PLCL2: variants seen among roughly 807,000 people sequenced by gnomAD.
PLCL2 encodes phospholipase C like 2.
PLCL2 carries 4 observed loss-of-function variants against 79.6 expected under a neutral mutation model. The observed-to-expected ratio is 0.05, with a 90% CI of 0.02 to 0.11. PLCL2 has a LOEUF of 0.11. Among genes scored for constraint, PLCL2 ranks in the 10% least tolerant of loss-of-function variants. PLCL2 has a pLI of 1.00. For missense variants in PLCL2, 895 were observed against 1,291.0 expected (o/e 0.69, Z 4.70); for synonymous variants, 484 against 457.7 (o/e 1.06, Z -0.73).
intron 3 of PLCL2, among the ~76,000 whole-genome samples, chr3:17,020,845 A>C (rs1343979412): frequency 6.6e-6 from 1 of 152,192 alleles, no homozygotes; most frequent in African/African-American, 2.4e-5. Context: ...GGCAGTTGAC[A>C]TGCAGCATCA....
At chr3:17,041,515 C>T (rs549149229) in intron 3 of PLCL2, among the ~76,000 whole-genome samples, 2 of 152,202 alleles carry the variant, frequency 1.3e-5, no homozygotes, top group South Asian at 2.1e-4. Context: ...TTTTAAGAGA[C>T]ATGTTGGTTA....
At chr3:17,059,716 A>C (rs538284886) in intron 4 of PLCL2, among the ~76,000 whole-genome samples, 1 of 152,204 alleles carries the variant, frequency 6.6e-6, no homozygotes, top group Admixed American at 6.5e-5. Flanking sequence ...CCTAAGAAGG[A>C]ATAACAGTGG....
intron 4 of PLCL2, among the ~76,000 whole-genome samples, chr3:17,046,776 G>A (rs2064784924): frequency 6.6e-6 from 1 of 152,148 alleles, no homozygotes; most frequent in South Asian, 2.1e-4. Flanking sequence ...AGCTGGTCTT[G>A]GGGGGCCTGA....
chr3:16,979,447 C>G (rs1223704900), intron 1 of PLCL2, among the ~76,000 whole-genome samples: 1 of 98,660 alleles, frequency 1.0e-5, no homozygotes, highest in African/African-American at 4.4e-5. Flanking sequence ...AACAAGTGAA[C>G]AAAGGTCTCT....
intron 1 of PLCL2, among the ~76,000 whole-genome samples, chr3:16,970,158 C>T (rs1443291944): frequency 6.6e-6 from 1 of 151,434 alleles, no homozygotes; most frequent in Non-Finnish European, 1.5e-5. Flanking sequence ...TATGCTGCAC[C>T]CATTAACTCA....
At chr3:17,033,748 A>G (rs534719881) in intron 3 of PLCL2, among the ~76,000 whole-genome samples, 6 of 152,276 alleles carry the variant, frequency 3.9e-5, no homozygotes, top group Admixed American at 1.3e-4. Flanking sequence ...CAACTCCTCC[A>G]ACACCCACTT....
chr3:17,033,800 G>C (rs763362348), intron 3 of PLCL2, among the ~76,000 whole-genome samples: 2 of 152,130 alleles, frequency 1.3e-5, no homozygotes, highest in Non-Finnish European at 2.9e-5. Context: ...TAAGTGCCAT[G>C]TTTATTGTAG....
intron 1 of PLCL2, among the ~76,000 whole-genome samples, chr3:16,979,042 A>G (rs2063954023): frequency 6.6e-6 from 1 of 152,156 alleles, no homozygotes; most frequent in African/African-American, 2.4e-5. Context: ...TGTTTTTATT[A>G]CTGTTGTTGC....
At chr3:16,932,109 T>G (rs1328628167) in intron 1 of PLCL2, among the ~76,000 whole-genome samples, 1 of 152,138 alleles carries the variant, frequency 6.6e-6, no homozygotes, top group Non-Finnish European at 1.5e-5. Context: ...AGAAACAAAT[T>G]TATGTTGTTT....
intron 1 of PLCL2, among the ~76,000 whole-genome samples, chr3:16,920,712 C>A (rs1383312760): frequency 6.6e-6 from 1 of 152,124 alleles, no homozygotes; most frequent in African/African-American, 2.4e-5. Flanking sequence ...ATTTTCTTCT[C>A]ATTTAACCAT....
intron 1 of PLCL2, among the ~76,000 whole-genome samples, chr3:16,932,188 T>C (rs1166321731): frequency 6.6e-6 from 1 of 152,222 alleles, no homozygotes; most frequent in African/African-American, 2.4e-5. Flanking sequence ...TTTAGTTGAA[T>C]CTGAATTTAT....
In PLCL2 at chr3:16,991,198, G is replaced by A. The variant is rs957698643; in HGVS notation, c.328-18476G>A. Among the ~76,000 whole-genome samples the A allele has an allele frequency of 1.8e-4, 27 of 152,220 alleles. 1 individual carries two copies. Among genetic ancestry groups the A allele is most frequent in the Admixed American group, 1.3e-3 (20 of 15,282 alleles). On this transcript the variant is annotated intron_variant, in intron 1 of 5. Transcript: ENST00000615277. ...GGGCTAGCCCTGTGGCTACCGAACA[G>A]AGCAGGGGAGGAGGAGGAGGAACTG...
At chr3:17,014,941 C>G (rs762708336) in intron 3 of PLCL2, 30 bp downstream of exon 3, 1 of 1,559,466 alleles carries the variant, frequency 6.4e-7, no homozygotes, top group Admixed American at 1.7e-5. Flanking sequence ...TTTACATAGC[C>G]TGGGTGAGAG....
chr3:16,997,527 C>CTTTTTTTTTT (rs2064166010), intron 1 of PLCL2, among the ~76,000 whole-genome samples: 1 of 140,926 alleles, frequency 7.1e-6, no homozygotes, highest in South Asian at 2.2e-4. Context: ...ACATTAATTT[C>CTTTTTTTTTT]TTTTCTTTTT....
chr3:16,996,683 A>G (rs776199153), intron 1 of PLCL2, among the ~76,000 whole-genome samples: 15 of 152,020 alleles, frequency 9.9e-5, no homozygotes, highest in Non-Finnish European at 1.9e-4. Context: ...AAGTCAGAAC[A>G]CAGAGGATGC....
intron 1 of PLCL2, among the ~76,000 whole-genome samples, chr3:16,943,174 T>A (rs1197222024): frequency 6.6e-6 from 1 of 152,238 alleles, no homozygotes; most frequent in African/African-American, 2.4e-5. Context: ...TGACAGATTT[T>A]ATATTATTAA....
intron 1 of PLCL2, among the ~76,000 whole-genome samples, chr3:16,973,058 G>A (rs1425519950): frequency 6.6e-6 from 1 of 152,130 alleles, no homozygotes; most frequent in Non-Finnish European, 1.5e-5. Flanking sequence ...AGACTCGGTT[G>A]CGTGATTGCT....
At chr3:16,902,853 C>CATGG (rs1553633684) in intron 1 of PLCL2, among the ~76,000 whole-genome samples, 1 of 42,250 alleles carries the variant, frequency 2.4e-5, no homozygotes, top group Non-Finnish European at 6.7e-5. Flanking sequence ...AAATGCAGTG[C>CATGG]GTGTGTGTGT....
At chr3:16,912,613 G>A (rs1036041696) in intron 1 of PLCL2, among the ~76,000 whole-genome samples, 2 of 152,200 alleles carry the variant, frequency 1.3e-5, no homozygotes, top group African/African-American at 4.8e-5. Flanking sequence ...AAGGTGATGA[G>A]CAACATTGCT....
Sources: allele counts gnomAD v4.1 joint callset (sites outside exome capture counted in the v4.1 genomes callset), GRCh38; gene constraint gnomAD v4.1.1; transcripts MANE v1.5; gene names NCBI Gene and HGNC (gene_info 2026-07-23, HGNC 2026-07-21).